Variants in LRMDA observed in about 807,000 individuals in gnomAD.
LRMDA encodes leucine-rich melanocyte differentiation-associated protein.
Under a neutral mutation model 29.8 loss-of-function variants are expected in LRMDA, and 18 were observed. The observed-to-expected ratio is 0.60, with a 90% confidence interval of 0.42 to 0.90. The LOEUF (loss-of-function observed/expected upper bound fraction) is 0.90. Among genes scored for constraint, LRMDA ranks in the 40% least tolerant of loss-of-function variants. The probability of loss-of-function intolerance (pLI) is 0.00; values close to 1 mark genes in which losing one functional copy is unlikely to be tolerated. For missense variants in LRMDA, 273 were observed against 273.9 expected (o/e 1.00, Z 0.02); for synonymous variants, 125 against 109.4 (o/e 1.14, Z -0.89).
At chr10:76,104,722 A>G (rs1304523904) in intron 5 of LRMDA, among the ~76,000 whole-genome samples, 2 of 152,104 alleles carry the variant, frequency 1.3e-5, no homozygotes, top group Non-Finnish European at 2.9e-5. Context: ...GGGTCATGAC[A>G]ATGGGCTGAA....
chr10:76,471,284 G>T (rs1842615277), intron 6 of LRMDA, among the ~76,000 whole-genome samples: 1 of 151,582 alleles, frequency 6.6e-6, no homozygotes, highest in African/African-American at 2.4e-5. Flanking sequence ...AATATAATGT[G>T]TATAACAATA....
At chr10:75,587,538 T>C (rs993589619) in intron 2 of LRMDA, among the ~76,000 whole-genome samples, 3 of 152,206 alleles carry the variant, frequency 2.0e-5, no homozygotes, top group African/African-American at 7.2e-5. Context: ...CTGTGTATTA[T>C]AAAATGGATA....
At chr10:75,853,242 AT>A (rs1260836448) in intron 2 of LRMDA, among the ~76,000 whole-genome samples, 1 of 152,082 alleles carries the variant, frequency 6.6e-6, no homozygotes, top group Non-Finnish European at 1.5e-5. Flanking sequence ...TACTTTTCTC[AT>A]TTTCTAAACT....
chr10:76,072,460 C>A (rs556688709), intron 5 of LRMDA, among the ~76,000 whole-genome samples: 10 of 152,158 alleles, frequency 6.6e-5, no homozygotes, highest in African/African-American at 2.2e-4. Context: ...AGAAACAATT[C>A]TTTTTAAAAA....
At chr10:76,289,484 AT>A (rs987683744) in intron 5 of LRMDA, among the ~76,000 whole-genome samples, 1 of 152,144 alleles carries the variant, frequency 6.6e-6, no homozygotes, top group African/African-American at 2.4e-5. Flanking sequence ...GACATGGAGC[AT>A]TTCCATTACC....
At chr10:76,121,976 A>G (rs569571494) in intron 5 of LRMDA, among the ~76,000 whole-genome samples, 46 of 152,128 alleles carry the variant, frequency 3.0e-4, no homozygotes, top group Admixed American at 7.9e-4. Context: ...AGGAGCTTGC[A>G]TTTTGGGGTG....
intron 2 of LRMDA, among the ~76,000 whole-genome samples, chr10:75,704,454 AAGT>A (rs1206395739): frequency 1.3e-5 from 2 of 152,186 alleles, no homozygotes; most frequent in African/African-American, 4.8e-5. Flanking sequence ...TGAGTTTTAA[AAGT>A]TAATCTTGGA....
chr10:75,984,905 C>A (rs918711637), intron 2 of LRMDA, among the ~76,000 whole-genome samples: 1 of 152,166 alleles, frequency 6.6e-6, no homozygotes, highest in South Asian at 2.1e-4. Context: ...AATGAAGTGT[C>A]CAAGTCCAAG....
chr10:76,053,681 G>A (rs567799716), intron 4 of LRMDA, among the ~76,000 whole-genome samples: 2 of 152,292 alleles, frequency 1.3e-5, no homozygotes, highest in South Asian at 2.1e-4. Context: ...AAGCCACCAA[G>A]GGGCAAGAAG....
At chr10:76,406,544 C>T (rs1402100722) in intron 6 of LRMDA, among the ~76,000 whole-genome samples, 1 of 152,166 alleles carries the variant, frequency 6.6e-6, no homozygotes, top group African/African-American at 2.4e-5. Flanking sequence ...TTTGGTGGCA[C>T]AAAATGTTTC....
chr10:75,512,463 C>A (rs978409177), intron 2 of LRMDA, among the ~76,000 whole-genome samples: 1 of 151,908 alleles, frequency 6.6e-6, no homozygotes, highest in South Asian at 2.1e-4. Context: ...ATAAAATACA[C>A]ATAAAAATAG....
At chr10:75,721,481 A>G (rs948115391) in intron 2 of LRMDA, among the ~76,000 whole-genome samples, 1 of 152,236 alleles carries the variant, frequency 6.6e-6, no homozygotes, top group Admixed American at 6.5e-5. Flanking sequence ...TTGGGGTTTC[A>G]TAATACATTA....
chr10:76,007,872 T>A (rs1320592190), intron 2 of LRMDA, among the ~76,000 whole-genome samples: 1 of 152,186 alleles, frequency 6.6e-6, no homozygotes, highest in Non-Finnish European at 1.5e-5. Context: ...TTAAAACCAA[T>A]GGTCATGATG....
intron 5 of LRMDA, among the ~76,000 whole-genome samples, chr10:76,096,926 A>G (rs770728336): frequency 3.3e-5 from 5 of 151,792 alleles, no homozygotes; most frequent in Non-Finnish European, 5.9e-5. Flanking sequence ...TGCTAAGCTT[A>G]CTTATTATTT....
chr10:76,306,058 T>C (rs1840551567), intron 5 of LRMDA, among the ~76,000 whole-genome samples: 1 of 152,222 alleles, frequency 6.6e-6, no homozygotes, highest in Admixed American at 6.5e-5. Context: ...AGTCCTTATC[T>C]AGAAAAGTTA....
At chr10:76,265,311 T>C (rs1839992791) in intron 5 of LRMDA, among the ~76,000 whole-genome samples, 1 of 152,198 alleles carries the variant, frequency 6.6e-6, no homozygotes. Context: ...AATGTTTTTA[T>C]TATTGCTCTT....
intron 5 of LRMDA, among the ~76,000 whole-genome samples, chr10:76,275,508 A>ATTATT (rs958293913): frequency 6.6e-6 from 1 of 151,968 alleles, no homozygotes; most frequent in Non-Finnish European, 1.5e-5. Context: ...AAATTATCTA[A>ATTATT]TTATTTTATT....
At chr10:75,927,495 T>C (rs7906328) in intron 2 of LRMDA, among the ~76,000 whole-genome samples, 2,170 of 152,286 alleles carry the variant, frequency 0.014, 54 homozygotes, top group African/African-American at 0.048. Flanking sequence ...CCAACCTTGC[T>C]CTGCACTTTT....
intron 6 of LRMDA, among the ~76,000 whole-genome samples, chr10:76,493,304 C>T (rs1363826188): frequency 6.6e-6 from 1 of 151,990 alleles, no homozygotes; most frequent in Non-Finnish European, 1.5e-5. Context: ...ATGAGGAGTA[C>T]TGCCAGTTTA....
Sources: gnomAD v4.1 joint callset for allele counts (sites outside exome capture counted in the v4.1 genomes callset) on GRCh38, gnomAD v4.1.1 for gene constraint, MANE v1.5 for transcripts, NCBI Gene and HGNC (gene_info 2026-07-23, HGNC 2026-07-21) for gene names.